The following PIGL variants were observed in gnomAD, a reference collection of about 807,000 sequenced individuals.
The protein encoded by PIGL is phosphatidylinositol glycan anchor biosynthesis class L.
A neutral mutation model predicts 31.1 loss-of-function variants in PIGL; 22 were observed. That is an observed-to-expected ratio of 0.71 (90% CI 0.51 to 1.01). The LOEUF (loss-of-function observed/expected upper bound fraction) is 1.01, where lower values mean the gene tolerates loss of function less well. Ranked by LOEUF, PIGL falls within the 50% of genes least tolerant of loss-of-function variation. The probability of loss-of-function intolerance (pLI) is 0.00; values close to 1 mark genes in which losing one functional copy is unlikely to be tolerated. For missense variants in PIGL, 302 were observed against 315.9 expected, an observed-to-expected ratio of 0.96 and a Z score of 0.33; for synonymous variants, 131 against 117.4, an observed-to-expected ratio of 1.12 and a Z score of -0.75.
At chr17:16,309,124 G>T (rs535177293) in intron 3 of PIGL, among the ~76,000 whole-genome samples, 1 of 152,226 alleles carries the variant, frequency 6.6e-6, no homozygotes, top group South Asian at 2.1e-4. Context: ...GGTAATAGCT[G>T]TAATAATAGT....
chr17:16,303,991 G>A (rs1220400909), intron 3 of PIGL, among the ~76,000 whole-genome samples: 2 of 152,164 alleles, frequency 1.3e-5, no homozygotes, highest in African/African-American at 4.8e-5. Flanking sequence ...TGGGATTACA[G>A]GTGTAAGCCA....
chr17:16,239,776 G>A (rs569761328), intron 2 of PIGL, among the ~76,000 whole-genome samples: 43 of 152,042 alleles, frequency 2.8e-4, no homozygotes, highest in African/African-American at 9.4e-4. Context: ...TGGAGATGAT[G>A]GGATGAATTC....
chr17:16,287,715 G>A (rs902389548), intron 2 of PIGL, among the ~76,000 whole-genome samples: 1 of 152,130 alleles, frequency 6.6e-6, no homozygotes, highest in African/African-American at 2.4e-5. Flanking sequence ...ATTCCTTACC[G>A]TGGGTGTATC....
intron 2 of PIGL, among the ~76,000 whole-genome samples, chr17:16,246,981 G>A (rs1438739999): frequency 7.2e-5 from 11 of 151,896 alleles, no homozygotes; most frequent in Non-Finnish European, 1.2e-4. Context: ...GAGCCACCGC[G>A]CCCGGCCCAG....
chr17:16,244,529 G>A (rs1163362021), intron 2 of PIGL, among the ~76,000 whole-genome samples: 1 of 152,110 alleles, frequency 6.6e-6, no homozygotes, highest in Admixed American at 6.6e-5. Flanking sequence ...ATGTTTTCGG[G>A]GACAAATCTG....
At chr17:16,284,406 C>G (rs570047109) in intron 2 of PIGL, among the ~76,000 whole-genome samples, 25 of 152,304 alleles carry the variant, frequency 1.6e-4, no homozygotes, top group East Asian at 1.3e-3. Flanking sequence ...ATGATAGCAG[C>G]CCCTTCTCAA....
intron 3 of PIGL, among the ~76,000 whole-genome samples, chr17:16,313,213 T>G (rs919741114): frequency 1.3e-5 from 2 of 152,186 alleles, no homozygotes; most frequent in African/African-American, 4.8e-5. Flanking sequence ...AGAGTTCACT[T>G]AGAAGCTAGC....
intron 6 of PIGL, among the ~76,000 whole-genome samples, chr17:16,320,223 A>G (rs1198984085): frequency 4.5e-4 from 43 of 95,236 alleles, no homozygotes; most frequent in African/African-American, 2.3e-3. Context: ...GGAAGGAAGG[A>G]AGGAAGGAAG....
At chr17:16,290,089 C>CT (rs1340279811) in intron 2 of PIGL, among the ~76,000 whole-genome samples, 5 of 149,720 alleles carry the variant, frequency 3.3e-5, no homozygotes, top group East Asian at 2.0e-4. Flanking sequence ...TTTTTTTTCT[C>CT]TTTTTTTTAA....
At position 16,217,258 on chromosome 17, in the gene PIGL, T is replaced by C; in HGVS notation, c.32T>C (p.Leu11Ser). MEAMWLLCVALAVLAWGFLWV... is the reference protein window; with the variant it reads MEAMWLLCVASAVLAWGFLWV... ...GCAATGTGGCTCCTGTGTGTGGCGT[T>C]GGCGGTCTTGGCATGGGGCTTCCTC... Residue 11 changes from leucine (L) to serine (S), a missense_variant, in exon 1 of 7, where the codon TTG becomes TCG. By Grantham distance (145) the Leu-to-Ser change is moderately radical. Coordinates refer to ENST00000225609, the MANE Select transcript of PIGL (RefSeq NM_004278.4). The C allele has an allele frequency of 1.2e-6, 2 of 1,614,166 alleles. No homozygotes were observed. The highest frequency in any genetic ancestry group is 1.7e-6 in the Non-Finnish European group (2 of 1,180,014).
At chr17:16,257,148 G>A (rs528357218) in intron 2 of PIGL, among the ~76,000 whole-genome samples, 8 of 152,156 alleles carry the variant, frequency 5.3e-5, no homozygotes, top group Non-Finnish European at 1.0e-4. Flanking sequence ...CAGGCACGGT[G>A]GCTCATGCCT....
intron 2 of PIGL, among the ~76,000 whole-genome samples, chr17:16,287,444 A>G (rs899230211): frequency 6.6e-6 from 1 of 152,152 alleles, no homozygotes; most frequent in Non-Finnish European, 1.5e-5. Flanking sequence ...TGCCTTCTCC[A>G]TCTGTCAGTG....
intron 1 of PIGL, among the ~76,000 whole-genome samples, chr17:16,222,993 T>C (rs2092636222): frequency 1.3e-5 from 2 of 151,932 alleles, no homozygotes; most frequent in African/African-American, 4.8e-5. Flanking sequence ...GCCTGGGCAA[T>C]AGAGCAAGAC....
chr17:16,322,936 G>A (rs772364797), intron 6 of PIGL, among the ~76,000 whole-genome samples: 3 of 152,148 alleles, frequency 2.0e-5, no homozygotes, highest in Non-Finnish European at 4.4e-5. Context: ...AAGCACAAGA[G>A]GCTGTAATGT....
chr17:16,296,300 T>C (rs1321812056), intron 2 of PIGL, among the ~76,000 whole-genome samples: 2 of 152,060 alleles, frequency 1.3e-5, no homozygotes, highest in Non-Finnish European at 2.9e-5. Context: ...CAAAGAGCTC[T>C]GCAAGGGACT....
intron 1 of PIGL, among the ~76,000 whole-genome samples, chr17:16,218,478 G>T (rs2092609536): frequency 6.6e-6 from 1 of 152,140 alleles, no homozygotes; most frequent in Non-Finnish European, 1.5e-5. Flanking sequence ...TGTATAGCCT[G>T]TTAAATGGCT....
chr17:16,271,675 G>T (rs1033192291), intron 2 of PIGL, among the ~76,000 whole-genome samples: 2 of 151,874 alleles, frequency 1.3e-5, no homozygotes, highest in Non-Finnish European at 2.9e-5. Context: ...GGGACTACAG[G>T]CGCACACCAC....
At chr17:16,288,276 G>C (rs542616703) in intron 2 of PIGL, among the ~76,000 whole-genome samples, 2 of 151,962 alleles carry the variant, frequency 1.3e-5, no homozygotes, top group African/African-American at 2.4e-5. Context: ...GCTCAGTCTC[G>C]GCTCACTGCA....
intron 2 of PIGL, among the ~76,000 whole-genome samples, chr17:16,277,950 G>C (rs1335003155): frequency 6.6e-6 from 1 of 152,024 alleles, no homozygotes; most frequent in Non-Finnish European, 1.5e-5. Context: ...ACAGCCCAAA[G>C]AAAGCCAAGC....
Sources: allele counts gnomAD v4.1 joint callset (sites outside exome capture counted in the v4.1 genomes callset), GRCh38; gene constraint gnomAD v4.1.1; transcripts MANE v1.5; gene names NCBI Gene and HGNC (gene_info 2026-07-23, HGNC 2026-07-21).